Variants in BRIP1 observed in about 807,000 individuals in gnomAD.
BRIP1 encodes the protein BRCA1 interacting DNA helicase 1, also known as Fanconi anemia group J protein.
A neutral mutation model predicts 119.7 loss-of-function variants in BRIP1; 88 were observed. That is an observed-to-expected ratio of 0.74 (90% CI 0.62 to 0.88). The LOEUF (loss-of-function observed/expected upper bound fraction) is 0.88, where lower values mean the gene tolerates loss of function less well. Among genes scored for constraint, BRIP1 ranks in the 40% least tolerant of loss-of-function variants. The probability of loss-of-function intolerance (pLI) is 0.00; values close to 1 mark genes in which losing one functional copy is unlikely to be tolerated. For missense variants in BRIP1, 1,259 were observed against 1,455.4 expected (o/e 0.87, Z 2.20); for synonymous variants, 443 against 496.5 (o/e 0.89, Z 1.43).
chr17:61,698,703 T>A (rs1240583349), intron 17 of BRIP1, among the ~76,000 whole-genome samples: 10 of 151,972 alleles, frequency 6.6e-5, no homozygotes, highest in East Asian at 1.9e-4. Flanking sequence ...CTTGTTATTT[T>A]TTTTTATTTT....
rs1349881064 is a variant in BRIP1 at position 61,808,878 on chromosome 17, CA to C, written c.628-122del. The stretch of plus-strand genomic sequence containing the variant: ...ACAATGGTCAAATAAAGAGAAATAA[CA>C]AGAAATTATAGTATCTAAAACTTGC... On this transcript the variant is annotated intron_variant, in intron 6 of 19. Coordinates refer to ENST00000259008, the MANE Select transcript of BRIP1 (RefSeq NM_032043.3). This position sits in a 1 kb window ranked among gnomAD's most constrained non-coding sequence, Gnocchi z 4.1. The C allele has an allele frequency of 2.9e-6, 3 of 1,041,048 alleles. No individual in the cohort carries two copies. Among genetic ancestry groups the C allele is most frequent in the African/African-American group, 1.6e-5 (1 of 62,112 alleles). The allele number at this position is 1,041,048 out of a possible 1,614,324, so 64.5% of individuals were successfully genotyped here. A position where few individuals can be genotyped will look rare whatever the true frequency, so the allele number is the denominator to read the frequency against.
rs2078893888 is a variant in BRIP1, at chr17:61,856,186, C to T, written c.379+872G>A. On this transcript the variant is annotated intron_variant, in intron 4 of 19. Coordinates refer to ENST00000259008, the MANE Select transcript of BRIP1 (RefSeq NM_032043.3). This position sits in a 1 kb window ranked among gnomAD's most constrained non-coding sequence, Gnocchi z 5.1. ...CACCTATTTAATAACTGTTCCACTTCTCTTTCCTCATTCCTACCAGAAGTT... is the reference window on the plus strand; with the variant it reads ...CACCTATTTAATAACTGTTCCACTTTTCTTTCCTCATTCCTACCAGAAGTT... 6.6e-6 allele frequency among the ~76,000 whole-genome samples: 1 copy of T among 152,186 alleles called. No homozygotes were observed. The highest frequency in any genetic ancestry group is 1.5e-5 in the Non-Finnish European group (1 of 68,018).
Position 61,680,184 on chromosome 17 carries a change from A to ACCTGCCTGAGCGACAGAGCAAGACTGTCT in BRIP1, c.*3111_*3112insAGACAGTCTTGCTCTGTCGCTCAGGCAGG, listed in dbSNP as rs2061253909. Reference sequence around the variant, plus strand: ...ATGGTGAAACCCTGTCGATACTTAAAAAAAAAAAAAAAAAAAAATTAGCTG... The same window carrying ACCTGCCTGAGCGACAGAGCAAGACTGTCT: ...ATGGTGAAACCCTGTCGATACTTAAACCTGCCTGAGCGACAGAGCAAGACTGTCTAAAAAAAAAAAAAAAAAATTAGCTG... On this transcript the variant is annotated 3_prime_UTR_variant, in exon 20 of 20. Transcript: ENST00000259008. 6.8e-6 allele frequency among the ~76,000 whole-genome samples: 1 copy of ACCTGCCTGAGCGACAGAGCAAGACTGTCT among 147,388 alleles called. No homozygotes were observed. Among genetic ancestry groups the ACCTGCCTGAGCGACAGAGCAAGACTGTCT allele is most frequent in the Non-Finnish European group, 1.5e-5 (1 of 66,454 alleles).
chr17:61,714,684 A>C (rs999307339), intron 17 of BRIP1, among the ~76,000 whole-genome samples: 1 of 152,168 alleles, frequency 6.6e-6, no homozygotes, highest in African/African-American at 2.4e-5. Flanking sequence ...CAAAGCACAA[A>C]TCTTAATGGG....
chr17:61,708,997 G>A lies in BRIP1; in HGVS notation c.2492+6954C>T, dbSNP rs911586127. ...TAATACGTCCTCAGCTGTGCCTGGT[G>A]TTGAAGAATACAGAGTCTCTGTTGT... On this transcript the variant is annotated intron_variant, in intron 17 of 19. Coordinates refer to ENST00000259008, the MANE Select transcript of BRIP1 (RefSeq NM_032043.3). The surrounding 1 kb of genome is among the most constrained non-coding windows in gnomAD (Gnocchi z 4.4). Among the ~76,000 whole-genome samples, 1 of 152,176 alleles carries A rather than the reference G, an allele frequency of 6.6e-6. No individual in the cohort carries two copies. The highest frequency in any genetic ancestry group is 1.5e-5 in the Non-Finnish European group (1 of 68,032).
rs765805307 is a variant in BRIP1, at chr17:61,740,599, G to C, written c.2379+2414C>G. Among the ~76,000 whole-genome samples the C allele has an allele frequency of 6.6e-6, 1 of 152,144 alleles. No homozygotes were observed. Among genetic ancestry groups the C allele is most frequent in the Admixed American group, 6.5e-5 (1 of 15,280 alleles). ...ATCCCTGAGAGACATTGCAAGTTTGGTTCCAGACCACCCCAATAAGGAGAA... is the reference window on the plus strand; with the variant it reads ...ATCCCTGAGAGACATTGCAAGTTTGCTTCCAGACCACCCCAATAAGGAGAA... On this transcript the variant is annotated intron_variant, in intron 16 of 19. Coordinates refer to ENST00000259008, the MANE Select transcript of BRIP1 (RefSeq NM_032043.3). This position sits in a 1 kb window ranked among gnomAD's most constrained non-coding sequence, Gnocchi z 5.4.
At chr17:61,715,867 A>G (rs2061850916) in intron 17 of BRIP1, 84 bp downstream of exon 17, 2 of 881,176 alleles carry the variant, frequency 2.3e-6, no homozygotes, top group South Asian at 1.8e-5. Flanking sequence ...TACCAAGTTT[A>G]TTATAAAGAG....
rs2077094692 is a variant in BRIP1 at position 61,748,910 on chromosome 17, G to A, written c.2098-4319C>T. ...CCCAGCACTTTGGGAGGCCAAGGCGGGCAGATCACGAGGTCAGGAGATTGA... is the reference window on the plus strand; with the variant it reads ...CCCAGCACTTTGGGAGGCCAAGGCGAGCAGATCACGAGGTCAGGAGATTGA... On this transcript the variant is annotated intron_variant, in intron 14 of 19. Transcript: ENST00000259008. This position sits in a 1 kb window ranked among gnomAD's most constrained non-coding sequence, Gnocchi z 4.7. 6.6e-6 allele frequency among the ~76,000 whole-genome samples: 1 copy of A among 152,212 alleles called. No homozygotes were observed. The highest frequency in any genetic ancestry group is 6.5e-5 in the Admixed American group (1 of 15,288).
At chr17:61,728,798 TAGA>T (rs1214604234) in intron 16 of BRIP1, among the ~76,000 whole-genome samples, 9 of 152,130 alleles carry the variant, frequency 5.9e-5, no homozygotes, top group East Asian at 1.9e-4. Flanking sequence ...CTGACCGAAG[TAGA>T]AGATCAGGAG....
In BRIP1 at chr17:61,735,560, G is replaced by A. The variant is rs912860160; in HGVS notation, c.2379+7453C>T. On this transcript the variant is annotated intron_variant, in intron 16 of 19. Transcript: ENST00000259008. This position sits in a 1 kb window ranked among gnomAD's most constrained non-coding sequence, Gnocchi z 4.4. ...TCCCAGCACTTTGGGAGGCTGACGC[G>A]GGTGGATTACTTGAGCTCAGGAGTT... Among the ~76,000 whole-genome samples the A allele has an allele frequency of 1.3e-5, 2 of 151,054 alleles. No homozygotes were observed. Among genetic ancestry groups the A allele is most frequent in the East Asian group, 2.0e-4 (1 of 5,092 alleles).
Position 61,822,206 on chromosome 17 carries a change from C to A in BRIP1, c.628-13449G>T, listed in dbSNP as rs962206032. Among the ~76,000 whole-genome samples, 5 of 152,040 alleles carry A rather than the reference C, an allele frequency of 3.3e-5. No homozygotes were observed. The highest frequency in any genetic ancestry group is 1.2e-4 in the African/African-American group (5 of 41,418). ...TAAAAGAAGAAGAAAAGCTATTTGA[C>A]GAATAGACTGATAATGGGATTCTCA... is the stretch of plus-strand genomic sequence containing the variant. On this transcript the variant is annotated intron_variant, in intron 6 of 19. Transcript: ENST00000259008. The surrounding 1 kb of genome is among the most constrained non-coding windows in gnomAD (Gnocchi z 4.4).
At position 61,799,358 on chromosome 17, in the gene BRIP1, G is replaced by A. The variant is rs181241029; in HGVS notation, c.1141-59C>T. 5.8e-5 allele frequency: 77 copies of A among 1,318,976 alleles called. 1 individual carries two copies. In the African/African-American group the frequency reaches 8.3e-4, roughly 14 times the overall value. 81.7% of individuals were successfully genotyped at this position (1,318,976 alleles called of 1,614,324 possible). On this transcript the variant is annotated intron_variant, in intron 8 of 19. Coordinates refer to ENST00000259008, the MANE Select transcript of BRIP1 (RefSeq NM_032043.3). The surrounding 1 kb of genome is among the most constrained non-coding windows in gnomAD (Gnocchi z 5.1). ...TGGCAAAATAGATTTAACAACAGCA[G>A]GCAAGATATTTCATTTTAAAATTCA...
In BRIP1 at chr17:61,717,644, TAC is replaced by T. The variant is rs1206934760; in HGVS notation, c.2380-1583_2380-1582del. 5.3e-5 allele frequency among the ~76,000 whole-genome samples: 8 copies of T among 152,146 alleles called. No homozygotes were observed. Among genetic ancestry groups the T allele is most frequent in the Non-Finnish European group, 1.2e-4 (8 of 68,008 alleles). On this transcript the variant is annotated intron_variant, in intron 16 of 19. Transcript: ENST00000259008. The surrounding 1 kb of genome is among the most constrained non-coding windows in gnomAD (Gnocchi z 4.1). ...TTCTTTTAGCGACTTTGGATTGGAT[TAC>T]AGTGTGCTGTTGTGTGTATTTTGCT...
rs73332515 is a variant in BRIP1 at position 61,810,865 on chromosome 17, C to T, written c.628-2108G>A. On this transcript the variant is annotated intron_variant, in intron 6 of 19. Coordinates refer to ENST00000259008, the MANE Select transcript of BRIP1 (RefSeq NM_032043.3). This position sits in a 1 kb window ranked among gnomAD's most constrained non-coding sequence, Gnocchi z 4.7. Reference sequence around the variant, plus strand: ...TCTTTTTTTCAAATAGAAAGGGATGCTATTATACAGTTTTACAACTAGATA... The same window carrying T: ...TCTTTTTTTCAAATAGAAAGGGATGTTATTATACAGTTTTACAACTAGATA... Among the ~76,000 whole-genome samples, 81 of 152,036 alleles carry T rather than the reference C, an allele frequency of 5.3e-4. 1 individual carries two copies. Among genetic ancestry groups the T allele is most frequent in the African/African-American group, 1.9e-3 (77 of 41,484 alleles).
rs2077285143 is a variant in BRIP1 at position 61,762,090 on chromosome 17, A to G, written c.2097+14311T>C. 6.6e-6 allele frequency among the ~76,000 whole-genome samples: 1 copy of G among 152,234 alleles called. No individual in the cohort carries two copies. The highest frequency in any genetic ancestry group is 1.9e-4 in the East Asian group (1 of 5,188). On this transcript the variant is annotated intron_variant, in intron 14 of 19. Transcript: ENST00000259008. The surrounding 1 kb of genome is among the most constrained non-coding windows in gnomAD (Gnocchi z 4.3). ...GTGACCAACGAAACAAAGAGCACAG[A>G]AAGAAACCCATGTATGTGCTCAACT... is the stretch of plus-strand genomic sequence containing the variant.
rs2077023898 is a variant in BRIP1 at position 61,744,082 on chromosome 17, C to T, written c.2257+350G>A. ...TTTACCTTATGTAATAGAATACAAG[C>T]ACCAAGTGTACTAAATGCATCAGAA... is the stretch of plus-strand genomic sequence containing the variant. On this transcript the variant is annotated intron_variant, in intron 15 of 19. Coordinates refer to ENST00000259008, the MANE Select transcript of BRIP1 (RefSeq NM_032043.3). This position sits in a 1 kb window ranked among gnomAD's most constrained non-coding sequence, Gnocchi z 5.0. Among the ~76,000 whole-genome samples, 1 of 152,164 alleles carries T rather than the reference C, an allele frequency of 6.6e-6. No homozygotes were observed. The highest frequency in any genetic ancestry group is 2.1e-4 in the South Asian group (1 of 4,830).
intron 13 of BRIP1, among the ~76,000 whole-genome samples, chr17:61,777,307 A>G (rs2077549584): frequency 6.6e-6 from 1 of 152,226 alleles, no homozygotes; most frequent in African/African-American, 2.4e-5. Flanking sequence ...CACAGCAATC[A>G]ACACAGAAAA....
In BRIP1 at chr17:61,721,692, CTTTTTTTTTTTTT is replaced by C. The variant is rs71150632; in HGVS notation, c.2380-5642_2380-5630del. ...GACATATAAAGGACATAGACTTTGC[CTTTTTTTTTTTTT>C]TTTTTTTTTTTGGACAGAGTACCGC... On this transcript the variant is annotated intron_variant, in intron 16 of 19. Coordinates refer to ENST00000259008, the MANE Select transcript of BRIP1 (RefSeq NM_032043.3). 9.2e-4 allele frequency among the ~76,000 whole-genome samples: 68 copies of C among 73,640 alleles called. 1 individual carries two copies. The highest frequency in any genetic ancestry group is 1.2e-3 in the Non-Finnish European group (49 of 42,222). 48.3% of individuals were successfully genotyped at this position (73,640 alleles called of 152,430 possible). A position where few individuals can be genotyped will look rare whatever the true frequency, so the allele number is the denominator to read the frequency against.
At chr17:61,765,423 A>ATTTTTTTTT (rs1158741814) in intron 14 of BRIP1, among the ~76,000 whole-genome samples, 1 of 8,236 alleles carries the variant, frequency 1.2e-4, no homozygotes, top group Admixed American at 3.3e-3. Context: ...ATATATATAT[A>ATTTTTTTTT]TTTTTTTTTT....
Sources: gnomAD v4.1 joint callset for allele counts (sites outside exome capture counted in the v4.1 genomes callset) on GRCh38, gnomAD v4.1.1 for gene constraint, Gnocchi (gnomAD v3.1) non-coding constraint, MANE v1.5 for transcripts, NCBI Gene and HGNC (gene_info 2026-07-23, HGNC 2026-07-21) for gene names.